Variants in ASIC2 observed in about 807,000 individuals in gnomAD.
ASIC2 encodes acid-sensing ion channel 2.
ASIC2 carries 25 observed loss-of-function variants against 57.3 expected under a neutral mutation model. That is an observed-to-expected ratio of 0.44 (90% CI 0.32 to 0.61). The LOEUF is 0.61. Among genes scored for constraint, ASIC2 ranks in the 20% least tolerant of loss-of-function variants. ASIC2 has a pLI of 0.06. For synonymous variants in ASIC2, 319 were observed against 307.5 expected (o/e 1.04, Z -0.39); for missense variants, 641 against 738.1 (o/e 0.87, Z 1.52).
intron 1 of ASIC2, among the ~76,000 whole-genome samples, chr17:33,207,531 G>T (rs1008320761): frequency 3.2e-4 from 49 of 152,172 alleles, no homozygotes; most frequent in African/African-American, 1.2e-3. Context: ...TTCCTGGAGA[G>T]AACAAACCAG....
chr17:33,562,532 A>T (rs778228255), intron 1 of ASIC2, among the ~76,000 whole-genome samples: 13 of 152,196 alleles, frequency 8.5e-5, no homozygotes, highest in Non-Finnish European at 8.8e-5. Context: ...AGGACGTGAC[A>T]TGCTACCTGT....
chr17:33,449,667 T>G (rs1912171613), intron 1 of ASIC2, among the ~76,000 whole-genome samples: 1 of 152,178 alleles, frequency 6.6e-6, no homozygotes, highest in Non-Finnish European at 1.5e-5. Flanking sequence ...AATGGAAAAT[T>G]TCCTATACAT....
chr17:33,789,634 T>C (rs1911708532), intron 1 of ASIC2, among the ~76,000 whole-genome samples: 1 of 151,940 alleles, frequency 6.6e-6, no homozygotes, highest in Non-Finnish European at 1.5e-5. Context: ...CAATCAGTAT[T>C]GTCTTTTTCC....
chr17:33,137,274 A>T (rs1337068533), intron 1 of ASIC2, among the ~76,000 whole-genome samples: 6 of 152,222 alleles, frequency 3.9e-5, no homozygotes, highest in Admixed American at 3.9e-4. Context: ...AGGGTTAAAG[A>T]TGTTTATTTC....
At chr17:34,071,056 AG>A (rs2142068096) in intron 1 of ASIC2, 1 of 152,358 alleles carries the variant, frequency 6.6e-6, no homozygotes, top group South Asian at 2.1e-4. Flanking sequence ...CGTACTTCTC[AG>A]AAGTCCAGAA....
intron 1 of ASIC2, among the ~76,000 whole-genome samples, chr17:33,732,715 G>T (rs186324856): frequency 1.2e-3 from 179 of 152,032 alleles, no homozygotes; most frequent in African/African-American, 4.0e-3. Context: ...TCAGCTCACT[G>T]CAACCTCTGC....
At chr17:33,291,373 G>C in intron 1 of ASIC2, 35 bp downstream of exon 1, 2 of 1,564,890 alleles carry the variant, frequency 1.3e-6, no homozygotes, top group Non-Finnish European at 1.7e-6. Context: ...GGAGTGGGGC[G>C]CAGAGGGAGC....
chr17:33,302,195 TTC>T (rs1276667326), intron 1 of ASIC2, among the ~76,000 whole-genome samples: 1 of 152,206 alleles, frequency 6.6e-6, no homozygotes, highest in African/African-American at 2.4e-5. Flanking sequence ...AATGGAGTCT[TTC>T]TTGCACACTT....
intron 1 of ASIC2, among the ~76,000 whole-genome samples, chr17:34,047,868 C>T (rs1908398426): frequency 6.6e-6 from 1 of 152,200 alleles, no homozygotes; most frequent in African/African-American, 2.4e-5. Context: ...CCCACTCGGA[C>T]AAAGTTTACA....
At chr17:33,781,471 G>A (rs1911452082) in intron 1 of ASIC2, among the ~76,000 whole-genome samples, 1 of 152,214 alleles carries the variant, frequency 6.6e-6, no homozygotes, top group Non-Finnish European at 1.5e-5. Flanking sequence ...CAGACATAGA[G>A]GGGTGAGGTA....
At chr17:34,038,507 T>C in intron 1 of ASIC2, 1 of 1,611,972 alleles carries the variant, frequency 6.2e-7, no homozygotes, top group African/African-American at 1.3e-5. Context: ...ATCAAATGCC[T>C]TGTAAACTTC....
intron 1 of ASIC2, among the ~76,000 whole-genome samples, chr17:33,850,191 T>C (rs1212237054): frequency 1.3e-5 from 2 of 152,180 alleles, no homozygotes; most frequent in Non-Finnish European, 2.9e-5. Context: ...CCAAGAAGAA[T>C]TGGAAGGGAC....
At chr17:33,790,415 A>T (rs1160115942) in intron 1 of ASIC2, among the ~76,000 whole-genome samples, 1 of 152,240 alleles carries the variant, frequency 6.6e-6, no homozygotes, top group South Asian at 2.1e-4. Flanking sequence ...GAAAAAATGT[A>T]TTATAGAGGT....
chr17:33,396,406 A>G (rs572762567), intron 1 of ASIC2, among the ~76,000 whole-genome samples: 2 of 152,362 alleles, frequency 1.3e-5, no homozygotes, highest in South Asian at 4.1e-4. Context: ...TAGGCCTGTT[A>G]TCTCACTCAA....
intron 1 of ASIC2, among the ~76,000 whole-genome samples, chr17:33,146,363 G>C (rs949139479): frequency 1.3e-5 from 2 of 152,162 alleles, no homozygotes; most frequent in Non-Finnish European, 2.9e-5. Context: ...TTGACCCTCG[G>C]AGGGGTTAGG....
chr17:33,193,157 A>G (rs920933021), intron 1 of ASIC2, among the ~76,000 whole-genome samples: 2 of 152,260 alleles, frequency 1.3e-5, no homozygotes, highest in Non-Finnish European at 2.9e-5. Flanking sequence ...CATTTGAAGC[A>G]GGGAAACCCT....
chr17:33,155,652 C>CG (rs1407134443), intron 1 of ASIC2, among the ~76,000 whole-genome samples: 32 of 151,188 alleles, frequency 2.1e-4, no homozygotes, highest in Non-Finnish European at 2.9e-5. Flanking sequence ...CTCAGCCTCC[C>CG]GGGTTCAAGC....
intron 1 of ASIC2, among the ~76,000 whole-genome samples, chr17:34,115,889 C>A (rs1911411684): frequency 6.6e-6 from 1 of 152,164 alleles, no homozygotes; most frequent in Admixed American, 6.5e-5. Flanking sequence ...GTGTTCCAAA[C>A]ACATATAACA....
At chr17:33,586,057 C>T (rs1346651652) in intron 1 of ASIC2, among the ~76,000 whole-genome samples, 1 of 152,170 alleles carries the variant, frequency 6.6e-6, no homozygotes, top group African/African-American at 2.4e-5. Flanking sequence ...TCAGCCACCT[C>T]TAAGTTGTGC....
Sources: allele counts gnomAD v4.1 joint callset (sites outside exome capture counted in the v4.1 genomes callset), GRCh38; gene constraint gnomAD v4.1.1; transcripts MANE v1.5; gene names NCBI Gene and HGNC (gene_info 2026-07-23, HGNC 2026-07-21).